The following TSPAN16 variants were observed in gnomAD, a reference collection of about 807,000 sequenced individuals.
The protein encoded by TSPAN16 is tetraspanin-16.
In TSPAN16, 23 loss-of-function variants were observed where a neutral mutation model predicts 25.2. The observed-to-expected ratio is 0.91, with a 90% CI of 0.66 to 1.29. The LOEUF is 1.29. TSPAN16 is among the 50% of genes most tolerant of loss of function. TSPAN16 has a pLI of 0.00. For synonymous variants in TSPAN16, 123 were observed against 124.4 expected (o/e 0.99, Z 0.08); for missense variants, 272 against 299.9 (o/e 0.91, Z 0.69).
intron 5 of TSPAN16, among the ~76,000 whole-genome samples, chr19:11,309,162 T>C (rs2080662608): frequency 2.0e-5 from 3 of 152,064 alleles, no homozygotes; most frequent in East Asian, 1.9e-4. Context: ...TGAGCCGTGA[T>C]TGTGCCGCTG....
intron 6 of TSPAN16, among the ~76,000 whole-genome samples, chr19:11,315,539 G>C (rs1202324526): frequency 6.6e-6 from 1 of 150,744 alleles, no homozygotes; most frequent in Non-Finnish European, 1.5e-5. Flanking sequence ...CTGGGCGACA[G>C]AGGGAGACTT....
At chr19:11,299,151 C>G (rs1000046177) in intron 3 of TSPAN16, among the ~76,000 whole-genome samples, 7 of 151,914 alleles carry the variant, frequency 4.6e-5, no homozygotes, top group Admixed American at 3.9e-4. Flanking sequence ...CGTGATAGCA[C>G]GCACTTGTAA....
intron 6 of TSPAN16, among the ~76,000 whole-genome samples, chr19:11,315,295 C>T (rs1485962432): frequency 6.7e-6 from 1 of 149,152 alleles, no homozygotes; most frequent in African/African-American, 2.5e-5. Context: ...CGGTGGCTCA[C>T]GCCTGTAATC....
At chr19:11,296,760 C>G (rs1166571871) in intron 1 of TSPAN16, among the ~76,000 whole-genome samples, 2 of 152,182 alleles carry the variant, frequency 1.3e-5, no homozygotes, top group African/African-American at 4.8e-5. Flanking sequence ...ATTGTCAGGC[C>G]GGGGGCGCTG....
intron 4 of TSPAN16, among the ~76,000 whole-genome samples, chr19:11,304,628 C>T (rs2080605620): frequency 6.6e-6 from 1 of 150,394 alleles, no homozygotes; most frequent in African/African-American, 2.5e-5. Context: ...AGGTTCATGC[C>T]ATTCTCCTGC....
rs143844750 is a variant in TSPAN16 at position 11,298,214 on chromosome 19, G to C, written c.142G>C (p.Gly48Arg). ...AGGGGCCTCTCTGACGAATGTCCTC[G>C]GGCTGTCCTCCGCATACCTCCTTCA... ...CGGASLTNVL[G>R]LSSAYLLHVG... Residue 48 changes from glycine to arginine, a missense_variant, in exon 2 of 7, where the codon GGG becomes CGG. Coordinates refer to ENST00000590327, the MANE Select transcript of TSPAN16 (RefSeq NM_001282509.2). 6.8e-6 allele frequency: 11 copies of C among 1,613,980 alleles called. No homozygotes were observed. The highest frequency in any genetic ancestry group is 4.0e-5 in the African/African-American group (3 of 74,902).
chr19:11,319,553 G>A (rs322136), downstream of TSPAN16, among the ~76,000 whole-genome samples: 40,419 of 151,672 alleles, frequency 0.27, 5,495 homozygotes, highest in Admixed American at 0.31. Context: ...AGCCGAGATC[G>A]CGCCACTGCA....
rs766122283 is a variant in TSPAN16, at chr19:11,301,276, T to C, written c.418T>C (p.Tyr140His). 4 of 1,613,746 alleles carry C rather than the reference T, an allele frequency of 2.5e-6. No individual in the cohort carries two copies. In the Admixed American group the frequency reaches 5.0e-5, roughly 20 times the overall value. Residue 140 changes from tyrosine to histidine, a missense_variant, in exon 4 of 7, where the codon TAT becomes CAT. Tyr to His is a moderately conservative substitution (Grantham distance 83). Coordinates refer to ENST00000590327, the MANE Select transcript of TSPAN16 (RefSeq NM_001282509.2). Reference protein sequence around the residue: ...NYRGYNEPDDYSTQWNLVMEK... With the variant: ...NYRGYNEPDDHSTQWNLVMEK... Reference sequence around the variant, plus strand: ...CAGAGGTTACAACGAGCCAGACGACTATTCTACACAGTGGAACTTGGTCAT... The same window carrying C: ...CAGAGGTTACAACGAGCCAGACGACCATTCTACACAGTGGAACTTGGTCAT...
chr19:11,303,446 G>C lies in TSPAN16; in HGVS notation c.450+2138G>C, dbSNP rs1008319425. Among the ~76,000 whole-genome samples the C allele has an allele frequency of 7.0e-5, 10 of 143,840 alleles. 1 individual carries two copies. The highest frequency in any genetic ancestry group is 2.7e-4 in the African/African-American group (10 of 37,078). 94.4% of individuals were successfully genotyped at this position (143,840 alleles called of 152,430 possible). ...GAAGGCCGCAGGGTCCTCTGCCTAG[G>C]AAAACCAGAGACCTTTGTTCACTTG... On this transcript the variant is annotated intron_variant, in intron 4 of 6. Transcript: ENST00000590327.
At chr19:11,309,607 C>A (rs2080668717) in intron 5 of TSPAN16, among the ~76,000 whole-genome samples, 1 of 152,246 alleles carries the variant, frequency 6.6e-6, no homozygotes, top group Non-Finnish European at 1.5e-5. Context: ...ATAAAAGTAT[C>A]CCTCATCCCA....
intron 6 of TSPAN16, chr19:11,322,259 T>C (rs892550590): frequency 6.6e-6 from 1 of 151,982 alleles, no homozygotes; most frequent in Non-Finnish European, 1.5e-5. Flanking sequence ...TGAGACCACA[T>C]TTCACCTGTT....
Position 11,301,181 on chromosome 19 carries a change from C to T in TSPAN16, c.343-20C>T, listed in dbSNP as rs1246917400. On this transcript the variant is annotated intron_variant, in intron 3 of 6. Coordinates refer to ENST00000590327, the MANE Select transcript of TSPAN16 (RefSeq NM_001282509.2). ...CTCTTGCTAGTTGGGGTACTGATCA[C>T]TTCCTGTCCTCTCTGTGAGGTTGGA... 1.2e-6 allele frequency: 2 copies of T among 1,608,210 alleles called. No homozygotes were observed. Among genetic ancestry groups the T allele is most frequent in the East Asian group, 2.2e-5 (1 of 44,822 alleles).
At chr19:11,322,604 G>A (rs2080786692) in intron 6 of TSPAN16, 1 of 152,180 alleles carries the variant, frequency 6.6e-6, no homozygotes, top group Admixed American at 6.5e-5. Context: ...TCAGTCCCCA[G>A]AGACCATTTC....
chr19:11,297,043 T>TA (rs1359980386), intron 1 of TSPAN16, among the ~76,000 whole-genome samples: 2 of 151,852 alleles, frequency 1.3e-5, no homozygotes, highest in African/African-American at 2.4e-5. Context: ...TCTGTCTCAA[T>TA]AAAAAAATAA....
intron 6 of TSPAN16, among the ~76,000 whole-genome samples, chr19:11,325,857 T>A (rs28397710): frequency 0.083 from 12,666 of 152,218 alleles, 1,035 homozygotes; most frequent in African/African-American, 0.22. Context: ...GAGGATCGCT[T>A]GAGGCCAGGA....
intron 5 of TSPAN16, among the ~76,000 whole-genome samples, chr19:11,309,248 T>C (rs1477183862): frequency 7.3e-5 from 11 of 151,078 alleles, no homozygotes; most frequent in Non-Finnish European, 1.3e-4. Context: ...GAAATATGAA[T>C]CGTTCATTCC....
Position 11,321,878 on chromosome 19 carries a change from C to T in TSPAN16, c.688-4916C>T, listed in dbSNP as rs1446058548. On this transcript the variant is annotated intron_variant, in intron 6 of 6. Coordinates refer to the TSPAN16 transcript ENST00000316737. ...AAGTAGTTGAGGGAAATAGTGTCCTCCCTACCTTCCATATAACAGAGCTTT... is the reference window on the plus strand; with the variant it reads ...AAGTAGTTGAGGGAAATAGTGTCCTTCCTACCTTCCATATAACAGAGCTTT... Among the ~76,000 whole-genome samples, 10 of 152,198 alleles carry T rather than the reference C, an allele frequency of 6.6e-5. No individual in the cohort carries two copies. The East Asian group carries it at 1.7e-3, about 26-fold the overall frequency.
chr19:11,304,541 T>C (rs918857816), intron 4 of TSPAN16, among the ~76,000 whole-genome samples: 3 of 151,364 alleles, frequency 2.0e-5, no homozygotes, highest in Non-Finnish European at 2.9e-5. Flanking sequence ...TTTATTTATT[T>C]TGAGATGGAG....
At chr19:11,311,895 A>G (rs2080695435) in intron 5 of TSPAN16, among the ~76,000 whole-genome samples, 1 of 152,178 alleles carries the variant, frequency 6.6e-6, no homozygotes, top group African/African-American at 2.4e-5. Flanking sequence ...ATTAGCACAG[A>G]CAAGTAGAAG....
Sources: allele counts gnomAD v4.1 joint callset (sites outside exome capture counted in the v4.1 genomes callset), GRCh38; gene constraint gnomAD v4.1.1; transcripts MANE v1.5; gene names NCBI Gene and HGNC (gene_info 2026-07-23, HGNC 2026-07-21).